Variants in DDX10 observed in about 807,000 individuals in gnomAD.
The protein encoded by DDX10 is probable ATP-dependent RNA helicase DDX10.
In DDX10, 74 loss-of-function variants were observed where a neutral mutation model predicts 104.3. The ratio of observed to expected loss-of-function variants is 0.71; its 90% CI spans 0.59 to 0.86. The LOEUF (loss-of-function observed/expected upper bound fraction) is 0.86. Ranked by LOEUF, DDX10 falls within the 40% of genes least tolerant of loss-of-function variation. The probability of loss-of-function intolerance (pLI) is 0.00; values close to 1 mark genes in which losing one functional copy is unlikely to be tolerated. For missense variants in DDX10, 952 were observed against 1,040.0 expected, an observed-to-expected ratio of 0.92 and a Z score of 1.16; for synonymous variants, 351 against 353.4, an observed-to-expected ratio of 0.99 and a Z score of 0.08.
intron 13 of DDX10, among the ~76,000 whole-genome samples, chr11:108,802,438 T>G (rs1349939126): frequency 2.6e-5 from 4 of 152,168 alleles, no homozygotes; most frequent in African/African-American, 9.7e-5. Flanking sequence ...AGCAATCATT[T>G]ATGTTTTTAT....
chr11:108,769,750 C>T (rs2094360625), intron 13 of DDX10, among the ~76,000 whole-genome samples: 1 of 152,086 alleles, frequency 6.6e-6, no homozygotes, highest in Admixed American at 6.6e-5. Flanking sequence ...TCTTTTTAGT[C>T]TCAATAACCC....
chr11:108,885,540 T>C (rs957056876), intron 16 of DDX10, among the ~76,000 whole-genome samples: 1 of 151,952 alleles, frequency 6.6e-6, no homozygotes, highest in Non-Finnish European at 1.5e-5. Flanking sequence ...GTATTTTTAG[T>C]AGGGACAGGG....
At chr11:108,879,830 A>T (rs919039015) in intron 16 of DDX10, among the ~76,000 whole-genome samples, 1 of 152,202 alleles carries the variant, frequency 6.6e-6, no homozygotes, top group East Asian at 1.9e-4. Context: ...CCTTGTCAGA[A>T]TGTCCCTTAT....
Position 108,924,784 on chromosome 11 carries a change from A to G in DDX10, c.2450+6766A>G, listed in dbSNP as rs572089043. 2.6e-5 allele frequency among the ~76,000 whole-genome samples: 4 copies of G among 152,346 alleles called. No homozygotes were observed. In the South Asian group the frequency reaches 6.2e-4, roughly 24 times the overall value. On this transcript the variant is annotated intron_variant, in intron 17 of 17. Coordinates refer to ENST00000322536, the MANE Select transcript of DDX10 (RefSeq NM_004398.4). ...TGGGAGGCTTTTCACTTGGAAAACAATGTTCTCAGAAGCCATTTTCATTTC... is the reference window on the plus strand; with the variant it reads ...TGGGAGGCTTTTCACTTGGAAAACAGTGTTCTCAGAAGCCATTTTCATTTC...
intron 13 of DDX10, among the ~76,000 whole-genome samples, chr11:108,759,179 A>T (rs2094347842): frequency 6.6e-6 from 1 of 152,120 alleles, no homozygotes; most frequent in Non-Finnish European, 1.5e-5. Context: ...TAATTAACCC[A>T]TTTATCTCAG....
chr11:108,742,708 C>T lies in DDX10; in HGVS notation c.1965+19246C>T, dbSNP rs572401816. ...ATAAACACAATCAGAAATGACAGAA[C>T]ATTACCACTGACCCTACAGAGATAC... On this transcript the variant is annotated intron_variant, in intron 13 of 17. Coordinates refer to ENST00000322536, the MANE Select transcript of DDX10 (RefSeq NM_004398.4). Among the ~76,000 whole-genome samples the T allele has an allele frequency of 2.2e-4, 33 of 152,236 alleles. No homozygotes were observed. In the South Asian group the frequency reaches 6.2e-3, roughly 29 times the overall value.
rs1419587244 is a variant in DDX10 at position 108,675,655 on chromosome 11, G to T, written c.307G>T (p.Ala103Ser). The change falls in exon 3 of 18, where the codon GCT becomes TCT. Residue 103 changes from alanine (A) to serine (S), a missense_variant. Around this residue, in one of 3 missense-constraint regions of DDX10, gnomAD observed 412 missense variants for 479.2 expected, o/e 0.86. Transcript: ENST00000322536. ...GATACAGAAGCAGACCATTGGATTG[G>T]CTTTGCAAGGTAAAGATGTACTTGG... Reference protein sequence around the residue: ...TEIQKQTIGLALQGKDVLGAA... With the variant: ...TEIQKQTIGLSLQGKDVLGAA... 1 of 1,614,046 alleles carries T rather than the reference G, an allele frequency of 6.2e-7. No individual in the cohort carries two copies. The highest frequency in any genetic ancestry group is 8.5e-7 in the Non-Finnish European group (1 of 1,180,032).
At chr11:108,755,296 A>G (rs1458097613) in intron 13 of DDX10, among the ~76,000 whole-genome samples, 1 of 152,052 alleles carries the variant, frequency 6.6e-6, no homozygotes, top group African/African-American at 2.4e-5. Flanking sequence ...CCTTGAAGTT[A>G]CTTTTTATAG....
At chr11:108,743,985 G>T (rs1173342522) in intron 13 of DDX10, among the ~76,000 whole-genome samples, 4 of 152,118 alleles carry the variant, frequency 2.6e-5, no homozygotes, top group Non-Finnish European at 4.4e-5. Flanking sequence ...TTTTTAACCA[G>T]AAATGAAAGT....
At chr11:108,742,618 C>CT (rs774350084) in intron 13 of DDX10, among the ~76,000 whole-genome samples, 9 of 151,924 alleles carry the variant, frequency 5.9e-5, no homozygotes, top group African/African-American at 1.9e-4. Context: ...CCAGGGGTTG[C>CT]TTTTTTTGAA....
chr11:108,877,724 G>T (rs897426612), intron 16 of DDX10, among the ~76,000 whole-genome samples: 20 of 152,152 alleles, frequency 1.3e-4, no homozygotes, highest in African/African-American at 4.8e-4. Context: ...TTCACTATGG[G>T]AATCCTGTGG....
intron 9 of DDX10, among the ~76,000 whole-genome samples, chr11:108,701,886 A>T (rs1397430132): frequency 6.6e-6 from 1 of 151,970 alleles, no homozygotes; most frequent in African/African-American, 2.4e-5. Context: ...GGGTTTTGCC[A>T]TGTTGGCCAG....
At chr11:108,894,601 C>T (rs1863416480) in intron 16 of DDX10, among the ~76,000 whole-genome samples, 1 of 151,928 alleles carries the variant, frequency 6.6e-6, no homozygotes, top group Non-Finnish European at 1.5e-5. Context: ...TTTTTGTAAA[C>T]ACAAACTTAA....
At chr11:108,827,761 A>G (rs1591828792) in intron 13 of DDX10, among the ~76,000 whole-genome samples, 1 of 151,978 alleles carries the variant, frequency 6.6e-6, no homozygotes, top group East Asian at 1.9e-4. Context: ...GTCTTGTGTA[A>G]TTTTAGGACT....
chr11:108,795,338 G>A (rs1035359625), intron 13 of DDX10, among the ~76,000 whole-genome samples: 2 of 148,658 alleles, frequency 1.3e-5, no homozygotes, highest in South Asian at 2.1e-4. Flanking sequence ...TTAAGTTCTA[G>A]GGTACATGTG....
chr11:108,895,258 G>A (rs1863425923), intron 16 of DDX10, among the ~76,000 whole-genome samples: 1 of 151,090 alleles, frequency 6.6e-6, no homozygotes, highest in Non-Finnish European at 1.5e-5. Context: ...CTGAATAAGT[G>A]ATTTTTTTTT....
intron 10 of DDX10, among the ~76,000 whole-genome samples, chr11:108,714,411 A>G (rs1405033663): frequency 2.0e-5 from 3 of 152,126 alleles, no homozygotes; most frequent in Admixed American, 1.3e-4. Context: ...TTTATCATGG[A>G]TAAAAGAAGA....
intron 9 of DDX10, among the ~76,000 whole-genome samples, chr11:108,695,183 A>G (rs796748174): frequency 1.5e-4 from 23 of 152,262 alleles, no homozygotes; most frequent in African/African-American, 3.1e-4. Context: ...TTCAATGTAC[A>G]TTTGTCTTGC....
At chr11:108,844,147 C>T (rs1226117753) in intron 15 of DDX10, among the ~76,000 whole-genome samples, 1 of 151,958 alleles carries the variant, frequency 6.6e-6, no homozygotes, top group East Asian at 1.9e-4. Flanking sequence ...TCTGTGACTA[C>T]AAGAGTCACA....
Sources: allele counts gnomAD v4.1 joint callset (sites outside exome capture counted in the v4.1 genomes callset), GRCh38; gene constraint gnomAD v4.1.1; regional missense constraint gnomAD v4.1.1; transcripts MANE v1.5; gene names NCBI Gene and HGNC (gene_info 2026-07-23, HGNC 2026-07-21).